FASLG: variants seen among roughly 807,000 people sequenced by gnomAD.
The protein encoded by FASLG is Fas ligand, also known as tumor necrosis factor ligand superfamily member 6.
Under a neutral mutation model 24.6 loss-of-function variants are expected in FASLG, and 9 were observed. The ratio of observed to expected loss-of-function variants is 0.37; its 90% CI spans 0.22 to 0.64. FASLG has a LOEUF of 0.64. FASLG is among the 30% of genes least tolerant of loss of function. The pLI is 0.64. For synonymous variants in FASLG, 130 were observed against 135.5 expected (o/e 0.96, Z 0.28); for missense variants, 306 against 345.3 (o/e 0.89, Z 0.90).
chr1:172,662,130 T>C (rs980504396), intron 2 of FASLG, among the ~76,000 whole-genome samples: 1 of 151,974 alleles, frequency 6.6e-6, no homozygotes, highest in African/African-American at 2.4e-5. Flanking sequence ...CAGAAGGACA[T>C]TTAATGCTTT....
In FASLG at chr1:172,665,996, T is replaced by C. The variant is rs1396406162; in HGVS notation, c.826T>C (p.Phe276Leu). The C allele has an allele frequency of 6.2e-7, 1 of 1,614,222 alleles. No homozygotes were observed. Among genetic ancestry groups the C allele is most frequent in the Admixed American group, 1.7e-5 (1 of 60,024 alleles). The change falls in exon 4 of 4, where the codon TTC becomes CTC. Residue 276 changes from phenylalanine (F) to leucine (L), a missense_variant. Phe to Leu is a conservative substitution (Grantham distance 22). Transcript: ENST00000367721. ...CAATTTTGAGGAATCTCAGACGTTTTTCGGCTTATATAAGCTCTAAGAGAA... is the reference window on the plus strand; with the variant it reads ...CAATTTTGAGGAATCTCAGACGTTTCTCGGCTTATATAAGCTCTAAGAGAA... Reference protein sequence around the residue: ...LVNFEESQTFFGLYKL With the variant: ...LVNFEESQTFLGLYKL
chr1:172,662,653 C>T (rs184248177), intron 2 of FASLG, among the ~76,000 whole-genome samples: 185 of 152,116 alleles, frequency 1.2e-3, no homozygotes, highest in African/African-American at 4.1e-3. Context: ...TGGGGGCGGG[C>T]ATTTCAGCGC....
At chr1:172,661,641 G>T (rs942632523) in intron 2 of FASLG, among the ~76,000 whole-genome samples, 2 of 152,036 alleles carry the variant, frequency 1.3e-5, no homozygotes, top group African/African-American at 4.8e-5. Flanking sequence ...ATGTTCTCTA[G>T]ATCAACCCAA....
intron 3 of FASLG, among the ~76,000 whole-genome samples, chr1:172,664,684 G>C (rs1048528610): frequency 3.9e-5 from 6 of 152,308 alleles, no homozygotes; most frequent in Non-Finnish European, 8.8e-5. Context: ...GGGGATTGGG[G>C]GCACAGATCC....
At position 172,665,653 on chromosome 1, in the gene FASLG, A is replaced by G; in HGVS notation, c.483A>G (p.Glu161=). 4 of 1,614,060 alleles carry G rather than the reference A, an allele frequency of 2.5e-6. No homozygotes were observed. Among genetic ancestry groups the G allele is most frequent in the African/African-American group, 1.3e-5 (1 of 75,058 alleles). The change falls in exon 4 of 4, where the codon GAA becomes GAG. Residue 161 remains glutamate (E), a synonymous_variant. Coordinates refer to ENST00000367721, the MANE Select transcript of FASLG (RefSeq NM_000639.3). The part of the protein sequence containing the change: ...GKSNSRSMPL[E]WEDTYGIVLL... ...CCAACTCAAGGTCCATGCCTCTGGA[A>G]TGGGAAGACACCTATGGAATTGTCC...
At chr1:172,659,973 T>A (rs1659102379) in intron 1 of FASLG, 122 bp from the exon 2 acceptor site, 1 of 1,077,086 alleles carries the variant, frequency 9.3e-7, no homozygotes, top group Non-Finnish European at 1.4e-6. Flanking sequence ...AAAGCCCAAG[T>A]TAGCAGAACT....
chr1:172,662,537 A>G (rs932207148), intron 2 of FASLG, among the ~76,000 whole-genome samples: 2 of 152,102 alleles, frequency 1.3e-5, no homozygotes, highest in African/African-American at 4.8e-5. Flanking sequence ...TACTAAGTAC[A>G]ACCTGAGAAT....
intron 2 of FASLG, among the ~76,000 whole-genome samples, chr1:172,661,148 G>A (rs546359174): frequency 7.9e-5 from 12 of 152,174 alleles, no homozygotes; most frequent in Non-Finnish European, 1.8e-4. Context: ...GGAAACTCCT[G>A]TCTCTCTGTA....
intron 2 of FASLG, among the ~76,000 whole-genome samples, chr1:172,661,065 G>A (rs758066658): frequency 1.3e-5 from 2 of 152,226 alleles, no homozygotes; most frequent in Non-Finnish European, 2.9e-5. Context: ...ATTGGGGCTA[G>A]AAGGAACACA....
At chr1:172,660,669 C>T (rs144679557) in intron 2 of FASLG, among the ~76,000 whole-genome samples, 1 of 152,286 alleles carries the variant, frequency 6.6e-6, no homozygotes, top group African/African-American at 2.4e-5. Context: ...AATGGTTTTT[C>T]TTGAAGTCAC....
intron 2 of FASLG, among the ~76,000 whole-genome samples, chr1:172,661,287 A>G (rs1419283429): frequency 6.6e-6 from 1 of 152,250 alleles, no homozygotes; most frequent in African/African-American, 2.4e-5. Flanking sequence ...AGCAAGTTCC[A>G]GTTTCTCCGG....
chr1:172,666,062 C>T lies in FASLG; in HGVS notation c.*46C>T. The T allele has an allele frequency of 6.2e-7, 1 of 1,608,174 alleles. No homozygotes were observed. Among genetic ancestry groups the T allele is most frequent in the Non-Finnish European group, 8.5e-7 (1 of 1,177,420 alleles). On this transcript the variant is annotated 3_prime_UTR_variant, in exon 4 of 4. Transcript: ENST00000367721. ...TTCCATTATGATTCTTTGTTACAGGCACCGAGAATGTTGTATTCAGTGAGG... is the reference window on the plus strand; with the variant it reads ...TTCCATTATGATTCTTTGTTACAGGTACCGAGAATGTTGTATTCAGTGAGG...
chr1:172,665,562 A>G, intron 3 of FASLG, 60 bp from the exon 4 acceptor site: 5 of 1,594,658 alleles, frequency 3.1e-6, no homozygotes, highest in Non-Finnish European at 4.3e-6. Flanking sequence ...TGCCTTAGAA[A>G]CTTAGTTTGT....
Position 172,665,871 on chromosome 1 carries a change from C to A in FASLG, c.701C>A (p.Thr234Asn). Residue 234 changes from threonine (T) to asparagine (N), a missense_variant, in exon 4 of 4, where the codon ACT (threonine) becomes AAT (asparagine). Transcript: ENST00000367721. ...MMEGKMMSYC[T>N]TGQMWARSSY... ...GAGGGGAAGATGATGAGCTACTGCA[C>A]TACTGGGCAGATGTGGGCCCGCAGC... is the stretch of plus-strand genomic sequence containing the variant. The A allele has an allele frequency of 6.2e-7, 1 of 1,613,584 alleles. No individual in the cohort carries two copies. Among genetic ancestry groups the A allele is most frequent in the South Asian group, 1.1e-5 (1 of 91,036 alleles).
chr1:172,662,848 C>A (rs1205553431), intron 2 of FASLG, among the ~76,000 whole-genome samples: 2 of 152,154 alleles, frequency 1.3e-5, no homozygotes, highest in African/African-American at 4.8e-5. Flanking sequence ...GTTCTCTGTT[C>A]CGTTTCCTGC....
At chr1:172,663,817 A>T (rs17370527) in intron 2 of FASLG, among the ~76,000 whole-genome samples, 17,227 of 152,174 alleles carry the variant, frequency 0.11, 1,076 homozygotes, top group Middle Eastern at 0.23. Flanking sequence ...ACGCAGACAG[A>T]TCAGTAGTCT....
rs537996794 is a variant in FASLG at position 172,663,008 on chromosome 1, T to C, written c.395-1326T>C. Among the ~76,000 whole-genome samples the C allele has an allele frequency of 5.3e-5, 8 of 152,328 alleles. No homozygotes were observed. The South Asian group carries it at 1.4e-3, about 28-fold the overall frequency. ...AGAGAGGTCATGATTGCTCAGCTAA[T>C]GTTCTCTGTGGATTGGGCCATTCTC... On this transcript the variant is annotated intron_variant, in intron 2 of 3. Transcript: ENST00000367721.
At chr1:172,661,749 C>T (rs1659147038) in intron 2 of FASLG, among the ~76,000 whole-genome samples, 2 of 152,060 alleles carry the variant, frequency 1.3e-5, no homozygotes, top group South Asian at 4.1e-4. Flanking sequence ...TACCAATTTT[C>T]ATCAAATTAA....
chr1:172,666,148 A>C lies in FASLG; in HGVS notation c.*132A>C, dbSNP rs1659259670. ...CATGAACCAAGTGGACCTTGAGACC[A>C]CAGGGTTCAAAATGTCTGTAGCTCC... On this transcript the variant is annotated 3_prime_UTR_variant, in exon 4 of 4. Coordinates refer to ENST00000367721, the MANE Select transcript of FASLG (RefSeq NM_000639.3). 3 of 1,061,652 alleles carry C rather than the reference A, an allele frequency of 2.8e-6. No homozygotes were observed. Among genetic ancestry groups the C allele is most frequent in the Non-Finnish European group, 4.2e-6 (3 of 721,318 alleles). The allele number at this position is 1,061,652 out of a possible 1,614,324, so 65.8% of individuals were successfully genotyped here.
Sources: gnomAD v4.1 joint callset for allele counts (sites outside exome capture counted in the v4.1 genomes callset) on GRCh38, gnomAD v4.1.1 for gene constraint, MANE v1.5 for transcripts, NCBI Gene and HGNC (gene_info 2026-07-23, HGNC 2026-07-21) for gene names.